The following TMEM182 variants were observed in gnomAD, a reference collection of about 807,000 sequenced individuals.
TMEM182 encodes transmembrane protein 182.
Under a neutral mutation model 26.8 loss-of-function variants are expected in TMEM182, and 20 were observed. The ratio of observed to expected loss-of-function variants is 0.75; its 90% CI spans 0.53 to 1.09. The LOEUF (loss-of-function observed/expected upper bound fraction) is 1.09, where lower values mean the gene tolerates loss of function less well. Among genes scored for constraint, TMEM182 ranks in the 50% least tolerant of loss-of-function variants. The pLI is 0.00. For missense variants in TMEM182, 277 were observed against 275.5 expected, an observed-to-expected ratio of 1.01 and a Z score of -0.04; for synonymous variants, 109 against 102.2, an observed-to-expected ratio of 1.07 and a Z score of -0.40.
rs370571043 is a variant in TMEM182 at position 102,808,729 on chromosome 2, G to A, written c.470-6019G>A. Among the ~76,000 whole-genome samples the A allele has an allele frequency of 1.1e-4, 16 of 152,252 alleles. No homozygotes were observed. The South Asian group carries it at 3.1e-3, about 30-fold the overall frequency. On this transcript the variant is annotated intron_variant, in intron 4 of 4. Transcript: ENST00000412401. The stretch of plus-strand genomic sequence containing the variant: ...TAAACAAATTTTGATATACTCATAC[G>A]ATGGAATAATGCTCAGCAATAAAAA...
intron 4 of TMEM182, among the ~76,000 whole-genome samples, chr2:102,814,013 C>A (rs1038074642): frequency 1.3e-5 from 2 of 151,146 alleles, no homozygotes; most frequent in East Asian, 3.9e-4. Flanking sequence ...TACACAAAAT[C>A]TTTTATCATC....
intron 1 of TMEM182, among the ~76,000 whole-genome samples, chr2:102,747,951 G>A (rs1298777039): frequency 6.6e-6 from 1 of 152,208 alleles, no homozygotes; most frequent in African/African-American, 2.4e-5. Context: ...GAAAGTGTGT[G>A]TGTGTGTTTT....
chr2:102,787,046 G>A (rs1042308499), intron 3 of TMEM182, among the ~76,000 whole-genome samples: 10 of 152,168 alleles, frequency 6.6e-5, no homozygotes, highest in African/African-American at 9.7e-5. Flanking sequence ...TCGCACACCC[G>A]GTAAAGGGTA....
upstream of TMEM182, among the ~76,000 whole-genome samples, chr2:102,760,796 A>G (rs553863680): frequency 1.3e-5 from 2 of 151,894 alleles, no homozygotes. Flanking sequence ...TTGTATTTTT[A>G]GTAGACATGG....
At chr2:102,783,430 A>G (rs910048849) in intron 3 of TMEM182, among the ~76,000 whole-genome samples, 3 of 152,360 alleles carry the variant, frequency 2.0e-5, no homozygotes, top group African/African-American at 7.2e-5. Context: ...TGGAGAAACA[A>G]ACAAAAAACT....
chr2:102,791,552 A>T (rs1161160429), intron 3 of TMEM182, among the ~76,000 whole-genome samples: 2 of 152,210 alleles, frequency 1.3e-5, no homozygotes, highest in Non-Finnish European at 2.9e-5. Context: ...CTGCCCAAGG[A>T]GCTCTTCATA....
chr2:102,798,205 T>C (rs1478758947), intron 4 of TMEM182, among the ~76,000 whole-genome samples: 1 of 152,214 alleles, frequency 6.6e-6, no homozygotes, highest in African/African-American at 2.4e-5. Flanking sequence ...TCAGGGACTT[T>C]CCCTTTTCCA....
intron 3 of TMEM182, among the ~76,000 whole-genome samples, chr2:102,796,424 G>T (rs925414172): frequency 1.1e-4 from 16 of 152,120 alleles, no homozygotes; most frequent in African/African-American, 3.9e-4. Flanking sequence ...CTAGCACTTG[G>T]CACAGAAGCT....
chr2:102,746,291 T>C (rs180748546), intron 1 of TMEM182, among the ~76,000 whole-genome samples: 2 of 152,326 alleles, frequency 1.3e-5, no homozygotes, highest in South Asian at 2.1e-4. Context: ...CGATTTTTTT[T>C]AAATTATTGA....
intron 3 of TMEM182, among the ~76,000 whole-genome samples, chr2:102,840,430 G>C (rs1330898681): frequency 6.6e-6 from 1 of 152,156 alleles, no homozygotes; most frequent in Non-Finnish European, 1.5e-5. Flanking sequence ...GAGGAATCTA[G>C]ACTTGGTGAA....
At chr2:102,779,382 G>A (rs1681061711) in intron 3 of TMEM182, among the ~76,000 whole-genome samples, 1 of 152,120 alleles carries the variant, frequency 6.6e-6, no homozygotes, top group South Asian at 2.1e-4. Flanking sequence ...ACTTTGGAAA[G>A]TTTCAGTCAT....
intron 1 of TMEM182, among the ~76,000 whole-genome samples, chr2:102,754,746 T>A (rs1183724075): frequency 1.4e-5 from 2 of 146,304 alleles, no homozygotes; most frequent in Non-Finnish European, 3.0e-5. Context: ...TATTGCAACA[T>A]TAGGATTAGA....
At chr2:102,763,625 G>A (rs1680303275) in intron 2 of TMEM182, among the ~76,000 whole-genome samples, 2 of 152,150 alleles carry the variant, frequency 1.3e-5, no homozygotes, top group African/African-American at 4.8e-5. Flanking sequence ...ATCTTACAGT[G>A]GATTTGGGGG....
At chr2:102,804,731 G>T (rs1682282372) in intron 4 of TMEM182, among the ~76,000 whole-genome samples, 1 of 152,090 alleles carries the variant, frequency 6.6e-6, no homozygotes, top group African/African-American at 2.4e-5. Context: ...GTGTGTGGGA[G>T]GTTGGTGGTG....
chr2:102,793,746 TG>T (rs1390976814), intron 3 of TMEM182, among the ~76,000 whole-genome samples: 5 of 152,240 alleles, frequency 3.3e-5, no homozygotes, highest in African/African-American at 1.2e-4. Context: ...TGACATTTTT[TG>T]TTGTGTTTTT....
downstream of TMEM182, among the ~76,000 whole-genome samples, chr2:102,819,030 A>C (rs1682852048): frequency 6.6e-6 from 1 of 152,208 alleles, no homozygotes; most frequent in Admixed American, 6.5e-5. Flanking sequence ...CACTGGGATA[A>C]AATAAGTGCA....
intron 1 of TMEM182, among the ~76,000 whole-genome samples, chr2:102,753,169 G>A (rs1331007300): frequency 6.7e-6 from 1 of 148,206 alleles, no homozygotes; most frequent in East Asian, 2.0e-4. Context: ...TTGAAGGCAG[G>A]ATTTTAACAA....
At chr2:102,751,950 G>A (rs1476699551) in intron 1 of TMEM182, among the ~76,000 whole-genome samples, 1 of 152,128 alleles carries the variant, frequency 6.6e-6, no homozygotes, top group African/African-American at 2.4e-5. Flanking sequence ...TGACAGTTGT[G>A]AGCCACTGTG....
At chr2:102,775,492 C>T (rs1331820081) in intron 3 of TMEM182, 1 of 152,086 alleles carries the variant, frequency 6.6e-6, no homozygotes, top group Non-Finnish European at 1.5e-5. Flanking sequence ...ACAGGGATGC[C>T]CTCTCTCACC....
Sources: gnomAD v4.1 joint callset for allele counts (sites outside exome capture counted in the v4.1 genomes callset) on GRCh38, gnomAD v4.1.1 for gene constraint, MANE v1.5 for transcripts, NCBI Gene and HGNC (gene_info 2026-07-23, HGNC 2026-07-21) for gene names.